The following COL26A1 variants were observed in gnomAD, a reference collection of about 807,000 sequenced individuals.
COL26A1 encodes the protein collagen alpha-1(XXVI) chain.
COL26A1 carries 41 observed loss-of-function variants against 59.3 expected under a neutral mutation model. The ratio of observed to expected loss-of-function variants is 0.69; its 90% CI spans 0.54 to 0.90. The LOEUF is 0.90. Ranked by LOEUF, COL26A1 falls within the 40% of genes least tolerant of loss-of-function variation. The pLI, the probability that COL26A1 is intolerant of heterozygous loss-of-function variation, is 0.00. For synonymous variants in COL26A1, 266 were observed against 256.0 expected, an observed-to-expected ratio of 1.04 and a Z score of -0.37; for missense variants, 612 against 602.3, an observed-to-expected ratio of 1.02 and a Z score of -0.17.
intron 3 of COL26A1, among the ~76,000 whole-genome samples, chr7:101,523,736 G>A (rs531942068): frequency 1.3e-5 from 2 of 152,170 alleles, no homozygotes; most frequent in African/African-American, 2.4e-5. Context: ...CATCTGTCTC[G>A]TGTCTTAATT....
At chr7:101,378,156 G>T (rs1791362574) in intron 1 of COL26A1, among the ~76,000 whole-genome samples, 1 of 152,090 alleles carries the variant, frequency 6.6e-6, no homozygotes, top group Admixed American at 6.6e-5. Flanking sequence ...GGGGCAGGTG[G>T]ATCACCTTAG....
In COL26A1 at chr7:101,547,984, A is replaced by G. The variant is rs1285607410; in HGVS notation, c.940+745A>G. ...ACTCTCATTCTGGTGGAGGACAGGA[A>G]TATCATCATAAATTGTGACTTCGAC... On this transcript the variant is annotated intron_variant, in intron 8 of 12. Transcript: ENST00000313669. 2.0e-5 allele frequency among the ~76,000 whole-genome samples: 3 copies of G among 152,368 alleles called. No individual in the cohort carries two copies. In the East Asian group the frequency reaches 5.8e-4, roughly 29 times the overall value.
intron 10 of COL26A1, 62 bp downstream of exon 10, chr7:101,551,205 CA>C: frequency 1.2e-6 from 1 of 838,706 alleles, no homozygotes; most frequent in Non-Finnish European, 1.7e-6. Flanking sequence ...GATGCAAGCC[CA>C]GGGCACTGGG....
chr7:101,431,334 C>T (rs1441978936), intron 2 of COL26A1, among the ~76,000 whole-genome samples: 2 of 152,186 alleles, frequency 1.3e-5, no homozygotes, highest in Non-Finnish European at 2.9e-5. Flanking sequence ...CTCACTGCAG[C>T]CTGCAGCCTC....
At chr7:101,471,223 AAT>A (rs1793890343) in intron 3 of COL26A1, among the ~76,000 whole-genome samples, 1 of 152,118 alleles carries the variant, frequency 6.6e-6, no homozygotes, top group Non-Finnish European at 1.5e-5. Flanking sequence ...GTTCCCATGC[AAT>A]TAAGCATAAG....
chr7:101,551,213 TG>T (rs1315066972), intron 10 of COL26A1, 70 bp downstream of exon 10: 13 of 192,172 alleles, frequency 6.8e-5, no homozygotes, highest in Non-Finnish European at 1.0e-4. Context: ...CCCAGGGCAC[TG>T]GGTGGCGGGG....
intron 3 of COL26A1, among the ~76,000 whole-genome samples, chr7:101,498,807 C>T (rs779889547): frequency 6.6e-6 from 1 of 152,086 alleles, no homozygotes; most frequent in Non-Finnish European, 1.5e-5. Context: ...TGTTGGGAGA[C>T]GCAGGCTGGA....
At chr7:101,407,690 A>G (rs2130228174) in intron 1 of COL26A1, among the ~76,000 whole-genome samples, 1 of 151,972 alleles carries the variant, frequency 6.6e-6, no homozygotes, top group South Asian at 2.1e-4. Context: ...TAGCTAAAAC[A>G]GGGAAGAGGT....
At chr7:101,456,470 G>C (rs1291974777) in intron 3 of COL26A1, among the ~76,000 whole-genome samples, 1 of 152,016 alleles carries the variant, frequency 6.6e-6, no homozygotes, top group African/African-American at 2.4e-5. Context: ...TTCGAGACCA[G>C]CCTGACCAAC....
At chr7:101,394,592 T>C (rs1034282061) in intron 1 of COL26A1, among the ~76,000 whole-genome samples, 1 of 146,006 alleles carries the variant, frequency 6.8e-6, no homozygotes, top group African/African-American at 2.5e-5. Flanking sequence ...TTTCTTTTTT[T>C]TTTTTTTTTT....
Position 101,540,191 on chromosome 7 carries a change from A to G in COL26A1, c.604+142A>G. The G allele has an allele frequency of 4.6e-6, 4 of 864,790 alleles. 1 individual carries two copies. The South Asian group carries it at 8.2e-5, about 18-fold the overall frequency. 53.6% of individuals were successfully genotyped at this position (864,790 alleles called of 1,614,324 possible). ...TGGCATTTTGAAAAATTAAGCTAAC[A>G]GTTGAAAATGGGTATTTCACCTAAA... is the stretch of plus-strand genomic sequence containing the variant. On this transcript the variant is annotated intron_variant, in intron 5 of 12. Coordinates refer to ENST00000313669, the MANE Select transcript of COL26A1 (RefSeq NM_001278563.3).
intron 3 of COL26A1, among the ~76,000 whole-genome samples, chr7:101,471,060 A>T (rs1041039260): frequency 3.3e-5 from 5 of 152,178 alleles, no homozygotes; most frequent in African/African-American, 1.2e-4. Flanking sequence ...CATATATTTT[A>T]TTATACCACA....
chr7:101,461,013 G>A (rs968334003), intron 3 of COL26A1, among the ~76,000 whole-genome samples: 1 of 152,018 alleles, frequency 6.6e-6, no homozygotes, highest in African/African-American at 2.4e-5. Context: ...ACAGGGTCTT[G>A]CTCTGTCACC....
At chr7:101,414,261 C>T (rs886513152) in intron 1 of COL26A1, among the ~76,000 whole-genome samples, 6 of 152,122 alleles carry the variant, frequency 3.9e-5, no homozygotes, top group African/African-American at 1.4e-4. Context: ...ATTCACAGCT[C>T]ATTTCTCTAT....
At position 101,539,887 on chromosome 7, in the gene COL26A1, GC is replaced by G. The variant is rs762497586; in HGVS notation, c.448-3del. 1 of 1,609,450 alleles carries G rather than the reference GC, an allele frequency of 6.2e-7. No individual in the cohort carries two copies. The highest frequency in any genetic ancestry group is 1.3e-5 in the African/African-American group (1 of 74,786). ...GGGACCTGACTCTCTATCTCCTTTG[GC>G]CCAGGTCCTCCTGCTAGAAGCAGCA... On this transcript the variant is annotated splice_region_variant and splice_polypyrimidine_tract_variant and intron_variant, in intron 4 of 12. Coordinates refer to ENST00000313669, the MANE Select transcript of COL26A1 (RefSeq NM_001278563.3).
intron 3 of COL26A1, among the ~76,000 whole-genome samples, chr7:101,488,439 A>G (rs1794316921): frequency 6.9e-6 from 1 of 144,368 alleles, no homozygotes; most frequent in South Asian, 2.3e-4. Flanking sequence ...GCAGTGGCGC[A>G]ATCTCAGCTC....
intron 1 of COL26A1, among the ~76,000 whole-genome samples, chr7:101,396,619 T>G (rs1791861087): frequency 6.6e-6 from 1 of 152,106 alleles, no homozygotes; most frequent in Non-Finnish European, 1.5e-5. Context: ...CCCGCCATCA[T>G]GCCTGGCTAA....
At chr7:101,371,653 A>C (rs963583630) in intron 1 of COL26A1, among the ~76,000 whole-genome samples, 2 of 151,746 alleles carry the variant, frequency 1.3e-5, no homozygotes, top group African/African-American at 2.4e-5. Context: ...TTAGTTGGGC[A>C]TGGTGGTGCA....
chr7:101,552,867 A>G (rs906602892), intron 10 of COL26A1, among the ~76,000 whole-genome samples: 3 of 152,224 alleles, frequency 2.0e-5, no homozygotes, highest in Non-Finnish European at 2.9e-5. Context: ...AGATCACAAC[A>G]CTGCACCCCA....
Sources: allele counts gnomAD v4.1 joint callset (sites outside exome capture counted in the v4.1 genomes callset), GRCh38; gene constraint gnomAD v4.1.1; transcripts MANE v1.5; gene names NCBI Gene and HGNC (gene_info 2026-07-23, HGNC 2026-07-21).